The following RBM26 variants were observed in gnomAD, a reference collection of about 807,000 sequenced individuals.
RBM26 encodes RNA-binding protein 26.
In RBM26, 30 loss-of-function variants were observed where a neutral mutation model predicts 123.6. The ratio of observed to expected loss-of-function variants is 0.24; its 90% CI spans 0.18 to 0.33. The LOEUF is 0.33. RBM26 is among the 10% of genes least tolerant of loss of function. The pLI is 1.00. For missense variants in RBM26, 947 were observed against 1,203.6 expected (o/e 0.79, Z 3.15); for synonymous variants, 400 against 404.4 (o/e 0.99, Z 0.13).
At position 79,343,056 on chromosome 13, in the gene RBM26, T is replaced by G. The variant is rs77607984; in HGVS notation, c.2260-225A>C. Among the ~76,000 whole-genome samples the G allele has an allele frequency of 6.3e-3, 956 of 151,896 alleles. 11 individuals are homozygous for G. Among genetic ancestry groups the G allele is most frequent in the African/African-American group, 0.02 (845 of 41,522 alleles). ...ACTCTTGGTTAAATTTGTGAAGAAC[T>G]GTTACTATTTGGGTCTCTCAGAACA... On this transcript the variant is annotated intron_variant, in intron 16 of 21. Coordinates refer to ENST00000438737, the MANE Select transcript of RBM26 (RefSeq NM_001366735.2).
At chr13:79,381,045 T>TAATTACTAACACTTACTCAAC (rs1178791298) in intron 1 of RBM26, among the ~76,000 whole-genome samples, 1 of 152,132 alleles carries the variant, frequency 6.6e-6, no homozygotes, top group Non-Finnish European at 1.5e-5. Context: ...TAGCAGTAGT[T>TAATTACTAACACTTACTCAAC]AATTACTAAC....
chr13:79,361,233 C>T (rs2074646248), intron 9 of RBM26, among the ~76,000 whole-genome samples: 2 of 152,036 alleles, frequency 1.3e-5, no homozygotes, highest in Admixed American at 6.6e-5. Context: ...TATGACTACC[C>T]ACATATGCCA....
At chr13:79,400,888 G>A (rs1366513927) in intron 1 of RBM26, among the ~76,000 whole-genome samples, 2 of 152,120 alleles carry the variant, frequency 1.3e-5, no homozygotes, top group African/African-American at 4.8e-5. Context: ...GAAGTAAATG[G>A]CTGAGGGCAA....
intron 1 of RBM26, among the ~76,000 whole-genome samples, chr13:79,401,248 A>T (rs1251437247): frequency 2.6e-5 from 4 of 152,224 alleles, no homozygotes; most frequent in African/African-American, 9.6e-5. Flanking sequence ...CAAAAACCAC[A>T]AAGATGTTTA....
rs2076537237 is a variant in RBM26, at chr13:79,375,081, T to TATATAAATATATATTTATGTATC, written c.327+2297_327+2298insGATACATAAATATATATTTATAT. Among the ~76,000 whole-genome samples, 5 of 104,368 alleles carry TATATAAATATATATTTATGTATC rather than the reference T, an allele frequency of 4.8e-5. No homozygotes were observed. The South Asian group carries it at 1.3e-3, about 27-fold the overall frequency. 68.5% of individuals were successfully genotyped at this position (104,368 alleles called of 152,430 possible). ...TATATTTTTATATATTTATATGATA[T>TATATAAATATATATTTATGTATC]ATATAAATATATATTTATATATATC... On this transcript the variant is annotated intron_variant, in intron 3 of 21. Transcript: ENST00000438737.
At chr13:79,317,495 G>A (rs2067262479), downstream of RBM26, among the ~76,000 whole-genome samples, 1 of 151,434 alleles carries the variant, frequency 6.6e-6, no homozygotes, top group Non-Finnish European at 1.5e-5. Flanking sequence ...TGCAGAATTG[G>A]GACCAAAAAC....
At chr13:79,394,743 C>T (rs2078408663) in intron 1 of RBM26, among the ~76,000 whole-genome samples, 1 of 152,194 alleles carries the variant, frequency 6.6e-6, no homozygotes. Flanking sequence ...AAGCGATTCT[C>T]CTGCCTCAAC....
At chr13:79,370,084 T>G (rs929939116) in intron 5 of RBM26, among the ~76,000 whole-genome samples, 5 of 151,648 alleles carry the variant, frequency 3.3e-5, no homozygotes, top group Non-Finnish European at 7.4e-5. Flanking sequence ...CTGAGGCGGG[T>G]GGATCACCTG....
At chr13:79,364,271 A>G (rs1157325897) in intron 9 of RBM26, among the ~76,000 whole-genome samples, 1 of 152,192 alleles carries the variant, frequency 6.6e-6, no homozygotes, top group African/African-American at 2.4e-5. Flanking sequence ...CTTCATTACA[A>G]AAAGTCCTTT....
intron 21 of RBM26, among the ~76,000 whole-genome samples, 178 bp from the exon 22 acceptor site, chr13:79,320,888 T>C (rs1054046266): frequency 6.6e-6 from 1 of 151,342 alleles, no homozygotes; most frequent in Non-Finnish European, 1.5e-5. Flanking sequence ...GGTTTCTCTA[T>C]ATGATCTATT....
chr13:79,386,689 G>A (rs2077521284), intron 1 of RBM26, among the ~76,000 whole-genome samples: 1 of 142,376 alleles, frequency 7.0e-6, no homozygotes, highest in Non-Finnish European at 1.5e-5. Flanking sequence ...ATTCATAGTT[G>A]AGGAAGAATT....
chr13:79,396,719 T>C (rs978214789), intron 1 of RBM26, among the ~76,000 whole-genome samples: 1 of 152,168 alleles, frequency 6.6e-6, no homozygotes, highest in Non-Finnish European at 1.5e-5. Context: ...AAACGGAGGA[T>C]AGAATACTTC....
At chr13:79,322,127 G>GTA (rs765194330) in intron 21 of RBM26, among the ~76,000 whole-genome samples, 31 of 151,144 alleles carry the variant, frequency 2.1e-4, no homozygotes, top group Non-Finnish European at 3.9e-4. Flanking sequence ...TAAAAATTGA[G>GTA]TATATATATA....
chr13:79,366,682 G>T lies in RBM26; in HGVS notation c.1086C>A (p.Pro362=). The stretch of plus-strand genomic sequence containing the variant: ...GCAATGGACCTGGCGGTGGTACTGG[G>T]GGCCTGAGATTCACAGGTGGGGGTG... ...ILTPPPVNLR[P]PVPPPGPLPP... is the part of the protein sequence containing the mutation. Residue 362 remains proline (P), a synonymous_variant, in exon 7 of 22, where the codon CCC becomes CCA. Coordinates refer to ENST00000438737, the MANE Select transcript of RBM26 (RefSeq NM_001366735.2). 1.2e-6 allele frequency: 2 copies of T among 1,601,812 alleles called. No homozygotes were observed.
chr13:79,323,945 TA>T (rs1371749039), intron 20 of RBM26, among the ~76,000 whole-genome samples: 40 of 130,286 alleles, frequency 3.1e-4, no homozygotes, highest in African/African-American at 1.1e-3. Context: ...ACATATTCCA[TA>T]ATTACTTTCA....
intron 1 of RBM26, among the ~76,000 whole-genome samples, chr13:79,398,828 T>G (rs1393694323): frequency 6.6e-6 from 1 of 152,208 alleles, no homozygotes; most frequent in African/African-American, 2.4e-5. Context: ...TGTTCTGAAG[T>G]TGGGTAGATT....
intron 16 of RBM26, among the ~76,000 whole-genome samples, chr13:79,343,787 C>T (rs1317059327): frequency 2.6e-5 from 4 of 151,780 alleles, no homozygotes; most frequent in East Asian, 1.9e-4. Flanking sequence ...CTTTGTACTA[C>T]ATTTTGAGAT....
intron 1 of RBM26, among the ~76,000 whole-genome samples, chr13:79,397,022 A>T (rs921493101): frequency 6.6e-6 from 1 of 152,076 alleles, no homozygotes; most frequent in Non-Finnish European, 1.5e-5. Flanking sequence ...TCTACTAAAA[A>T]TACGAAAAAT....
At chr13:79,321,345 T>C (rs1254882612) in intron 21 of RBM26, among the ~76,000 whole-genome samples, 1 of 151,410 alleles carries the variant, frequency 6.6e-6, no homozygotes, top group Admixed American at 6.6e-5. Flanking sequence ...TTTCAAAATA[T>C]ACATTTTTAT....
Sources: gnomAD v4.1 joint callset for allele counts (sites outside exome capture counted in the v4.1 genomes callset) on GRCh38, gnomAD v4.1.1 for gene constraint, MANE v1.5 for transcripts, NCBI Gene and HGNC (gene_info 2026-07-23, HGNC 2026-07-21) for gene names.